The following PDSS2 variants were observed in gnomAD, a reference collection of about 807,000 sequenced individuals.
PDSS2 encodes decaprenyl diphosphate synthase subunit 2, also known as all trans-polyprenyl-diphosphate synthase PDSS2.
Under a neutral mutation model 44.5 loss-of-function variants are expected in PDSS2, and 31 were observed. That is an observed-to-expected ratio of 0.70 (90% CI 0.52 to 0.94). The LOEUF (loss-of-function observed/expected upper bound fraction) is 0.94, where lower values mean the gene tolerates loss of function less well. PDSS2 is among the 40% of genes least tolerant of loss of function. The pLI, the probability that PDSS2 is intolerant of heterozygous loss-of-function variation, is 0.00. For synonymous variants in PDSS2, 157 were observed against 180.3 expected (o/e 0.87, Z 1.03); for missense variants, 452 against 482.2 (o/e 0.94, Z 0.59).
intron 7 of PDSS2, among the ~76,000 whole-genome samples, chr6:107,170,321 T>C (rs1163914805): frequency 6.6e-6 from 1 of 152,122 alleles, no homozygotes; most frequent in Non-Finnish European, 1.5e-5. Context: ...CTAAGACCAC[T>C]GGAAAAGTGC....
At chr6:107,331,648 CTT>C (rs1179479651) in intron 2 of PDSS2, among the ~76,000 whole-genome samples, 2 of 152,148 alleles carry the variant, frequency 1.3e-5, no homozygotes, top group Non-Finnish European at 2.9e-5. Flanking sequence ...AGAGTATACA[CTT>C]TGAGATAAAA....
At chr6:107,335,484 A>G (rs138814343) in intron 1 of PDSS2, among the ~76,000 whole-genome samples, 40 of 152,342 alleles carry the variant, frequency 2.6e-4, no homozygotes, top group Non-Finnish European at 5.4e-4. Context: ...CAGAAATTTG[A>G]TAAGTAAATG....
At chr6:107,434,935 T>G (rs759552369) in intron 1 of PDSS2, among the ~76,000 whole-genome samples, 11 of 152,022 alleles carry the variant, frequency 7.2e-5, no homozygotes, top group Admixed American at 1.3e-4. Context: ...TACTATGTAC[T>G]CATAAAAATT....
chr6:107,453,855 A>G (rs1473609988), intron 1 of PDSS2, among the ~76,000 whole-genome samples: 2 of 152,170 alleles, frequency 1.3e-5, no homozygotes, highest in Non-Finnish European at 2.9e-5. Context: ...ACCCTAAAAC[A>G]TTACTCATGT....
intron 2 of PDSS2, among the ~76,000 whole-genome samples, chr6:107,309,444 A>T (rs1776963112): frequency 6.6e-6 from 1 of 152,228 alleles, no homozygotes; most frequent in African/African-American, 2.4e-5. Flanking sequence ...GTTTCAAAAG[A>T]TAAAAATGTA....
intron 1 of PDSS2, among the ~76,000 whole-genome samples, chr6:107,401,379 C>T (rs1780100965): frequency 6.6e-6 from 1 of 151,560 alleles, no homozygotes; most frequent in African/African-American, 2.4e-5. Flanking sequence ...CTAGACAACC[C>T]TACTAAACAT....
Position 107,274,208 on chromosome 6 carries a change from T to TC in PDSS2, c.450dup (p.Ile151AspfsTer20). The TC allele has an allele frequency of 6.2e-7, 1 of 1,613,716 alleles. No individual in the cohort carries two copies. Among genetic ancestry groups the TC allele is most frequent in the Non-Finnish European group, 8.5e-7 (1 of 1,179,552 alleles). ...AGAGCAATATGAATTAGCTCCGTGA[T>TC]CTCTGCCAAACTTCTTTGACTAAAA... On this transcript the variant is annotated frameshift_variant, in exon 3 of 8. Coordinates refer to ENST00000369037, the MANE Select transcript of PDSS2 (RefSeq NM_020381.4). LOFTEE classifies it high-confidence loss of function.
intron 1 of PDSS2, among the ~76,000 whole-genome samples, chr6:107,381,094 T>C (rs9486600): frequency 6.6e-6 from 1 of 152,146 alleles, no homozygotes; most frequent in South Asian, 2.1e-4. Flanking sequence ...AGCACCCTAA[T>C]AATGGGAGCC....
intron 1 of PDSS2, among the ~76,000 whole-genome samples, chr6:107,399,096 T>C (rs1321093682): frequency 6.6e-6 from 1 of 152,212 alleles, no homozygotes; most frequent in Non-Finnish European, 1.5e-5. Flanking sequence ...CAGCATTGTA[T>C]GTAATAGTAA....
chr6:107,200,838 T>C (rs1772744140), intron 6 of PDSS2, among the ~76,000 whole-genome samples: 1 of 152,058 alleles, frequency 6.6e-6, no homozygotes, highest in African/African-American at 2.4e-5. Context: ...GGATAATTTT[T>C]GTATTTTTAG....
chr6:107,255,588 A>T (rs1380128307), intron 3 of PDSS2, among the ~76,000 whole-genome samples: 1 of 151,364 alleles, frequency 6.6e-6, no homozygotes, highest in Non-Finnish European at 1.5e-5. Flanking sequence ...AACAAGAGTG[A>T]AACTCCATCT....
intron 1 of PDSS2, among the ~76,000 whole-genome samples, chr6:107,336,257 G>GA (rs780156049): frequency 0.01 from 697 of 68,960 alleles, 2 homozygotes; most frequent in African/African-American, 0.024. Context: ...TTCCGTCTCA[G>GA]AAAAAAAAAA....
rs1301063425 is a variant in PDSS2 at position 107,440,560 on chromosome 6, T to C, written c.296+18430A>G. Among the ~76,000 whole-genome samples the C allele has an allele frequency of 2.0e-5, 3 of 152,224 alleles. No individual in the cohort carries two copies. The East Asian group carries it at 5.8e-4, about 29-fold the overall frequency. On this transcript the variant is annotated intron_variant, in intron 1 of 7. Coordinates refer to ENST00000369037, the MANE Select transcript of PDSS2 (RefSeq NM_020381.4). ...TGGCACTTCTCACAACTCCAGCTAA[T>C]GACCTCTCAAAATTGTTTCCTTCCT...
intron 4 of PDSS2, among the ~76,000 whole-genome samples, chr6:107,214,433 T>C (rs1773341736): frequency 1.3e-5 from 2 of 152,182 alleles, no homozygotes; most frequent in Non-Finnish European, 2.9e-5. Context: ...CACTGTGCAT[T>C]TTATACTTAC....
chr6:107,235,026 G>A (rs1398164846), intron 4 of PDSS2, among the ~76,000 whole-genome samples: 1 of 152,114 alleles, frequency 6.6e-6, no homozygotes, highest in East Asian at 1.9e-4. Context: ...TTGAAATCAG[G>A]CAACAAAAGA....
intron 1 of PDSS2, among the ~76,000 whole-genome samples, chr6:107,380,413 T>C (rs1458822849): frequency 6.6e-6 from 1 of 152,226 alleles, no homozygotes; most frequent in Admixed American, 6.5e-5. Context: ...AAGGCCATGG[T>C]GGGGTAAATT....
chr6:107,210,703 T>C, intron 5 of PDSS2, 133 bp from the exon 6 acceptor site: 1 of 662,464 alleles, frequency 1.5e-6, no homozygotes. Flanking sequence ...TATACTTTAA[T>C]AAACAAAAGA....
chr6:107,419,068 G>A (rs1216795670), intron 1 of PDSS2, among the ~76,000 whole-genome samples: 1 of 151,468 alleles, frequency 6.6e-6, no homozygotes, highest in Non-Finnish European at 1.5e-5. Context: ...CAAATGTCAT[G>A]CCTTCTCCTG....
chr6:107,444,825 C>T (rs898786873), intron 1 of PDSS2, among the ~76,000 whole-genome samples: 2 of 152,162 alleles, frequency 1.3e-5, no homozygotes, highest in Non-Finnish European at 2.9e-5. Flanking sequence ...AAGGAATCAA[C>T]ACACCCTAAG....
Sources: allele counts gnomAD v4.1 joint callset (sites outside exome capture counted in the v4.1 genomes callset), GRCh38; gene constraint gnomAD v4.1.1; transcripts MANE v1.5; gene names NCBI Gene and HGNC (gene_info 2026-07-23, HGNC 2026-07-21).